HMGCS1: variants seen among roughly 807,000 people sequenced by gnomAD.
The protein encoded by HMGCS1 is hydroxymethylglutaryl-CoA synthase, cytoplasmic.
In HMGCS1, 9 loss-of-function variants were observed where a neutral mutation model predicts 52.3. The ratio of observed to expected loss-of-function variants is 0.17; its 90% confidence interval spans 0.10 to 0.30. The LOEUF is 0.30. HMGCS1 is among the 10% of genes least tolerant of loss of function. The pLI, the probability that HMGCS1 is intolerant of heterozygous loss-of-function variation, is 1.00. For missense variants in HMGCS1, 320 were observed against 620.9 expected (o/e 0.52, Z 5.15); for synonymous variants, 176 against 214.4 (o/e 0.82, Z 1.57).
rs56257144 is a variant in HMGCS1, at chr5:43,294,090, C to A, written c.1149G>T (p.Leu383=). 8.7e-6 allele frequency: 14 copies of A among 1,612,126 alleles called. No homozygotes were observed. The highest frequency in any genetic ancestry group is 1.1e-5 in the Non-Finnish European group (13 of 1,178,282). Residue 383 remains leucine, a synonymous_variant, in exon 8 of 11, where the codon CTG becomes CTT. Transcript: ENST00000325110. ...FSYGSGLAAT[L]YSLKVTQDAT... ...CATCTTGTGTGACTTTAAGAGAGTA[C>A]AGAGTGGCAGCCAAACCAGAACCAT...
rs1173736775 is a variant in HMGCS1 at position 43,290,918 on chromosome 5, T to C, written c.*213A>G. 2.0e-6 allele frequency: 1 copy of C among 502,816 alleles called. No individual in the cohort carries two copies. Among genetic ancestry groups the C allele is most frequent in the African/African-American group, 1.9e-5 (1 of 52,738 alleles). 31.1% of individuals were successfully genotyped at this position (502,816 alleles called of 1,614,324 possible). A position where few individuals can be genotyped will look rare whatever the true frequency, so the allele number is the denominator to read the frequency against. On this transcript the variant is annotated 3_prime_UTR_variant, in exon 11 of 11. Transcript: ENST00000325110. ...TAACATCATTCGAGTACATTTGGCA[T>C]TGGCCAGACCACAACAGGAAGCATG...
intron 2 of HMGCS1, 102 bp from the exon 3 acceptor site, chr5:43,299,077 G>T: frequency 1.2e-6 from 1 of 803,040 alleles, no homozygotes; most frequent in Non-Finnish European, 1.9e-6. Context: ...GCAATCACCT[G>T]AAGTATTAGT....
chr5:43,295,106 G>A (rs1402534154), intron 6 of HMGCS1, among the ~76,000 whole-genome samples: 2 of 152,154 alleles, frequency 1.3e-5, no homozygotes, highest in African/African-American at 4.8e-5. Flanking sequence ...AAGACGCACT[G>A]TAGCTTTATA....
At chr5:43,311,839 G>A (rs530870763) in intron 1 of HMGCS1, among the ~76,000 whole-genome samples, 20 of 152,300 alleles carry the variant, frequency 1.3e-4, no homozygotes, top group African/African-American at 3.9e-4. Flanking sequence ...TCCCCACAGC[G>A]TAAGTCAGAC....
intron 2 of HMGCS1, among the ~76,000 whole-genome samples, 151 bp from the exon 3 acceptor site, chr5:43,299,126 A>G (rs770880743): frequency 5.3e-5 from 8 of 152,220 alleles, no homozygotes; most frequent in Non-Finnish European, 7.3e-5. Context: ...AATTGTGTAC[A>G]TGTGAAGTAG....
Position 43,294,716 on chromosome 5 carries a change from C to A in HMGCS1, c.1051G>T (p.Gly351Cys). 4 of 1,610,276 alleles carry A rather than the reference C, an allele frequency of 2.5e-6. No homozygotes were observed. Among genetic ancestry groups the A allele is most frequent in the Non-Finnish European group, 3.4e-6 (4 of 1,177,818 alleles). ...TGTGCTAGAACAGATGCAAGGGAACCATATACTGAAGATGTGTACATATTT... is the reference window on the plus strand; with the variant it reads ...TGTGCTAGAACAGATGCAAGGGAACAATATACTGAAGATGTGTACATATTT... Reference protein sequence around the residue: ...NGNMYTSSVYGSLASVLAQYS... With the variant: ...NGNMYTSSVYCSLASVLAQYS... Residue 351 changes from glycine to cysteine, a missense_variant, in exon 7 of 11, where the codon GGT becomes TGT. Around this residue, in one of 3 missense-constraint regions of HMGCS1, gnomAD observed 213 missense variants for 337.4 expected, o/e 0.63. Coordinates refer to ENST00000325110, the MANE Select transcript of HMGCS1 (RefSeq NM_001098272.3).
chr5:43,293,870 C>T, intron 8 of HMGCS1, 186 bp downstream of exon 8: 1 of 496,742 alleles, frequency 2.0e-6, no homozygotes, highest in Non-Finnish European at 3.7e-6. Context: ...TGCACCACCT[C>T]ACCTGGCTAA....
intron 9 of HMGCS1, 78 bp downstream of exon 9, chr5:43,292,770 T>A (rs1193873909): frequency 5.2e-6 from 8 of 1,538,946 alleles, no homozygotes; most frequent in South Asian, 1.1e-5. Flanking sequence ...AGTCTTGATA[T>A]CCTTATCGTA....
rs1296833948 is a variant in HMGCS1, at chr5:43,290,722, T to G, written c.*409A>C. 2 of 156,250 alleles carry G rather than the reference T, an allele frequency of 1.3e-5. No individual in the cohort carries two copies. Among genetic ancestry groups the G allele is most frequent in the African/African-American group, 4.8e-5 (2 of 41,604 alleles). 9.7% of individuals were successfully genotyped at this position (156,250 alleles called of 1,614,324 possible). ...TTTTCCAAAAACCACAGGTACTTTC[T>G]GTAATCTTGTTGTTCAAAGTACAAA... On this transcript the variant is annotated 3_prime_UTR_variant, in exon 11 of 11. Coordinates refer to ENST00000325110, the MANE Select transcript of HMGCS1 (RefSeq NM_001098272.3).
Position 43,290,908 on chromosome 5 carries a change from A to G in HMGCS1, c.*223T>C. The G allele has an allele frequency of 2.1e-6, 1 of 483,526 alleles. No homozygotes were observed. Among genetic ancestry groups the G allele is most frequent in the Non-Finnish European group, 3.7e-6 (1 of 268,752 alleles). 30.0% of individuals were successfully genotyped at this position (483,526 alleles called of 1,614,324 possible). A position where few individuals can be genotyped will look rare whatever the true frequency, so the allele number is the denominator to read the frequency against. On this transcript the variant is annotated 3_prime_UTR_variant, in exon 11 of 11. Coordinates refer to ENST00000325110, the MANE Select transcript of HMGCS1 (RefSeq NM_001098272.3). ...ACAGAGCCCTTAACATCATTCGAGT[A>G]CATTTGGCATTGGCCAGACCACAAC...
intron 1 of HMGCS1, among the ~76,000 whole-genome samples, chr5:43,308,910 A>T (rs986904570): frequency 6.6e-6 from 1 of 152,286 alleles, no homozygotes; most frequent in Admixed American, 6.5e-5. Flanking sequence ...GCCCCATAAA[A>T]AGAAATAGAT....
At chr5:43,308,044 G>A (rs1754665206) in intron 1 of HMGCS1, among the ~76,000 whole-genome samples, 1 of 151,984 alleles carries the variant, frequency 6.6e-6, no homozygotes, top group Non-Finnish European at 1.5e-5. Flanking sequence ...GTTCAGTCCT[G>A]GTAATAAACG....
At chr5:43,291,368 G>A (rs2076264734) in intron 10 of HMGCS1, 148 bp from the exon 11 acceptor site, 1 of 583,532 alleles carries the variant, frequency 1.7e-6, no homozygotes, top group Non-Finnish European at 3.1e-6. Context: ...AACTTTTCAT[G>A]AAGGGAACTC....
At chr5:43,306,759 T>C (rs1754597875) in intron 2 of HMGCS1, among the ~76,000 whole-genome samples, 1 of 152,222 alleles carries the variant, frequency 6.6e-6, no homozygotes, top group Admixed American at 6.5e-5. Context: ...TTCTCCTCTA[T>C]TATTTAGGCT....
chr5:43,308,326 A>G (rs1754679468), intron 1 of HMGCS1, among the ~76,000 whole-genome samples: 1 of 152,240 alleles, frequency 6.6e-6, no homozygotes, highest in Non-Finnish European at 1.5e-5. Context: ...TGCCCTCCCC[A>G]GATCATTGTG....
chr5:43,300,043 T>G (rs1452624601), intron 2 of HMGCS1, among the ~76,000 whole-genome samples: 1 of 152,214 alleles, frequency 6.6e-6, no homozygotes, highest in African/African-American at 2.4e-5. Context: ...GCTGCTGAGC[T>G]GGAACCCAGA....
chr5:43,304,729 G>C (rs1044386442), intron 2 of HMGCS1, among the ~76,000 whole-genome samples: 2 of 152,172 alleles, frequency 1.3e-5, no homozygotes, highest in African/African-American at 4.8e-5. Flanking sequence ...AATGGAAAGT[G>C]AAACACAATT....
chr5:43,298,472 T>C lies in HMGCS1; in HGVS notation c.448+46A>G. The C allele has an allele frequency of 6.7e-7, 1 of 1,500,638 alleles. No homozygotes were observed. The allele number at this position is 1,500,638 out of a possible 1,614,324, so 93.0% of individuals were successfully genotyped here. ...AGTGTCATCTGGGTCTATTGAACCT[T>C]AGAAAAAAATTTTGGGGGACGGCGG... On this transcript the variant is annotated intron_variant, in intron 3 of 10. Coordinates refer to ENST00000325110, the MANE Select transcript of HMGCS1 (RefSeq NM_001098272.3). This position sits in a 1 kb window ranked among gnomAD's most constrained non-coding sequence, Gnocchi z 5.6.
intron 2 of HMGCS1, 82 bp downstream of exon 2, chr5:43,307,684 C>A (rs142917583): frequency 1.7e-3 from 265 of 152,218 alleles, no homozygotes; most frequent in African/African-American, 6.1e-3. Flanking sequence ...ACAAACAAAT[C>A]GTTATTTTCT....
Sources: gnomAD v4.1 joint callset for allele counts (sites outside exome capture counted in the v4.1 genomes callset) on GRCh38, gnomAD v4.1.1 for gene constraint, gnomAD v4.1.1 regional missense constraint, Gnocchi (gnomAD v3.1) non-coding constraint, MANE v1.5 for transcripts, NCBI Gene and HGNC (gene_info 2026-07-23, HGNC 2026-07-21) for gene names.